The following MAP3K1 variants were observed in gnomAD, a reference collection of about 807,000 sequenced individuals.
MAP3K1 encodes the protein MAP/ERK kinase kinase 1.
Under a neutral mutation model 144.2 loss-of-function variants are expected in MAP3K1, and 36 were observed. The ratio of observed to expected loss-of-function variants is 0.25; its 90% CI spans 0.19 to 0.33. The LOEUF is 0.33. Among genes scored for constraint, MAP3K1 ranks in the 10% least tolerant of loss-of-function variants. The pLI is 1.00. For missense variants in MAP3K1, 1,650 were observed against 1,881.9 expected (o/e 0.88, Z 2.28); for synonymous variants, 718 against 688.7 (o/e 1.04, Z -0.67).
At chr5:56,827,685 G>A (rs1179367895) in intron 1 of MAP3K1, among the ~76,000 whole-genome samples, 5 of 152,138 alleles carry the variant, frequency 3.3e-5, no homozygotes, top group Non-Finnish European at 5.9e-5. Context: ...CCAACATGGT[G>A]AAACCCCGTC....
chr5:56,844,007 A>G (rs1746898424), intron 1 of MAP3K1, among the ~76,000 whole-genome samples: 1 of 152,070 alleles, frequency 6.6e-6, no homozygotes, highest in African/African-American at 2.4e-5. Context: ...ATGGCAAGTG[A>G]ATGTGAGGAA....
chr5:56,889,399 C>T (rs1748479797), intron 19 of MAP3K1, among the ~76,000 whole-genome samples: 1 of 152,174 alleles, frequency 6.6e-6, no homozygotes, highest in Non-Finnish European at 1.5e-5. Flanking sequence ...GAACTCCTGA[C>T]CTCAAGCCCA....
intron 1 of MAP3K1, among the ~76,000 whole-genome samples, chr5:56,834,506 G>A (rs1746588248): frequency 6.6e-6 from 1 of 152,152 alleles, no homozygotes; most frequent in South Asian, 2.1e-4. Flanking sequence ...GAGGTCAGGA[G>A]TTCGAGACCA....
intron 9 of MAP3K1, among the ~76,000 whole-genome samples, chr5:56,873,994 C>G (rs941985520): frequency 1.6e-4 from 24 of 152,138 alleles, no homozygotes; most frequent in African/African-American, 5.8e-4. Context: ...AGAGTTCATT[C>G]TTTCAAGCAT....
At chr5:56,820,676 A>G in intron 1 of MAP3K1, 1 of 985,396 alleles carries the variant, frequency 1.0e-6, no homozygotes, top group Non-Finnish European at 1.2e-6. Flanking sequence ...ATCACACAGG[A>G]AGAGAAACTT....
Position 56,881,963 on chromosome 5 carries a change from T to C in MAP3K1, c.2763T>C (p.Ser921=). The C allele has an allele frequency of 1.9e-6, 3 of 1,614,044 alleles. No individual in the cohort carries two copies. Among genetic ancestry groups the C allele is most frequent in the Non-Finnish European group, 2.5e-6 (3 of 1,180,026 alleles). ...AAGGATTATGTGCTACAAAATTGAGTGCCAGTTCAGAGGACATTTCTGAGA... is the reference window on the plus strand; with the variant it reads ...AAGGATTATGTGCTACAAAATTGAGCGCCAGTTCAGAGGACATTTCTGAGA... ...TGKGLCATKL[S]ASSEDISERL... The change falls in exon 14 of 20, where the codon AGT becomes AGC. Residue 921 remains serine, a synonymous_variant. Transcript: ENST00000399503.
intron 15 of MAP3K1, 114 bp from the exon 16 acceptor site, chr5:56,884,550 C>G (rs912019664): frequency 2.2e-6 from 2 of 923,062 alleles, no homozygotes; most frequent in Non-Finnish European, 3.5e-6. Flanking sequence ...ACATTGCATC[C>G]ATAAGCATAA....
At position 56,877,571 on chromosome 5, in the gene MAP3K1, G is replaced by A. The variant is rs1748079233; in HGVS notation, c.1966-1409G>A. 2.1e-5 allele frequency among the ~76,000 whole-genome samples: 3 copies of A among 143,968 alleles called. 1 individual carries two copies. In the South Asian group the frequency reaches 6.6e-4, roughly 32 times the overall value. The allele number at this position is 143,968 out of a possible 152,430, so 94.4% of individuals were successfully genotyped here. A position where few individuals can be genotyped will look rare whatever the true frequency, so the allele number is the denominator to read the frequency against. ...GTTTGAGAGTTTTTTGCAGCATCAT[G>A]ACACTTAAATATGTGTCTCTTAAAA... On this transcript the variant is annotated intron_variant, in intron 10 of 19. Transcript: ENST00000399503.
At chr5:56,820,103 C>T (rs1045119927) in intron 1 of MAP3K1, among the ~76,000 whole-genome samples, 1 of 152,114 alleles carries the variant, frequency 6.6e-6, no homozygotes, top group Non-Finnish European at 1.5e-5. Context: ...ATACCTTTTA[C>T]ATAATCAACT....
intron 1 of MAP3K1, among the ~76,000 whole-genome samples, chr5:56,846,458 C>G (rs1747000397): frequency 6.6e-6 from 1 of 152,180 alleles, no homozygotes; most frequent in Non-Finnish European, 1.5e-5. Context: ...ATAATTGTAC[C>G]TGACTCAAAT....
chr5:56,892,967 CTT>C (rs61590040), intron 19 of MAP3K1, among the ~76,000 whole-genome samples: 1 of 150,260 alleles, frequency 6.7e-6, no homozygotes, highest in African/African-American at 2.4e-5. Context: ...AATAAAATTT[CTT>C]TTTTTTTAAA....
intron 1 of MAP3K1, among the ~76,000 whole-genome samples, chr5:56,850,523 T>C (rs1006083857): frequency 3.3e-5 from 5 of 152,226 alleles, no homozygotes; most frequent in African/African-American, 1.2e-4. Flanking sequence ...TTGTAAAAAC[T>C]TACAAAACTT....
intron 10 of MAP3K1, among the ~76,000 whole-genome samples, chr5:56,877,927 AT>A (rs1307346041): frequency 6.6e-6 from 1 of 152,176 alleles, no homozygotes; most frequent in Non-Finnish European, 1.5e-5. Context: ...TTTGTAGAAT[AT>A]CCCTCAATTT....
rs867559011 is a variant in MAP3K1 at position 56,882,446 on chromosome 5, A to T, written c.3246A>T (p.Thr1082=). The T allele has an allele frequency of 6.2e-7, 1 of 1,614,134 alleles. No individual in the cohort carries two copies. Among genetic ancestry groups the T allele is most frequent in the African/African-American group, 1.3e-5 (1 of 75,042 alleles). ...GAGATCCCTCAAAAAATAGCATGAC[A>T]CTTGATCTGAACAGTAGTTCCAAAT... ...KQGDPSKNSM[T]LDLNSSSKCD... is the part of the protein sequence containing the mutation. Residue 1082 remains threonine, a synonymous_variant, in exon 14 of 20, where the codon ACA becomes ACT. Coordinates refer to ENST00000399503, the MANE Select transcript of MAP3K1 (RefSeq NM_005921.2).
At chr5:56,823,196 CGGT>C (rs1380031489) in intron 1 of MAP3K1, among the ~76,000 whole-genome samples, 1 of 152,188 alleles carries the variant, frequency 6.6e-6, no homozygotes, top group Non-Finnish European at 1.5e-5. Flanking sequence ...AGTCCCTGCC[CGGT>C]TGGGCCCCTG....
At chr5:56,829,270 C>A (rs1056632317) in intron 1 of MAP3K1, among the ~76,000 whole-genome samples, 4 of 151,700 alleles carry the variant, frequency 2.6e-5, no homozygotes, top group African/African-American at 9.7e-5. Flanking sequence ...CAGCGTCAAC[C>A]TTAGCGGGCT....
At chr5:56,844,164 T>C (rs949965727) in intron 1 of MAP3K1, among the ~76,000 whole-genome samples, 1 of 151,138 alleles carries the variant, frequency 6.6e-6, no homozygotes, top group Non-Finnish European at 1.5e-5. Context: ...TGTTTAGTAT[T>C]ATAGGATTGT....
intron 10 of MAP3K1, among the ~76,000 whole-genome samples, chr5:56,878,107 G>A (rs62358105): frequency 0.015 from 2,252 of 152,254 alleles, 18 homozygotes; most frequent in Middle Eastern, 0.037. Flanking sequence ...AAGTTTCCCT[G>A]CTGTAAAGTT....
Position 56,815,602 on chromosome 5 carries a change from C to T in MAP3K1, c.29C>T (p.Ser10Leu), listed in dbSNP as rs1311577375. ...GCGGCGGCGGCGGGGAATCGCGCCT[C>T]GTCGTCGGGATTCCCGGGCGCCAGG... Reference protein sequence around the residue: MAAAAGNRASSSGFPGARAT... With the variant: MAAAAGNRALSSGFPGARAT... The change falls in exon 1 of 20, where the codon TCG (serine) becomes TTG (leucine). Residue 10 changes from serine to leucine, a missense_variant. Ser to Leu is a moderately radical substitution (Grantham distance 145, BLOSUM62 -2). This residue lies in a region of MAP3K1 where 360 missense variants were observed against 274.7 expected (regional missense o/e 1.31). Transcript: ENST00000399503. 7 of 1,308,006 alleles carry T rather than the reference C, an allele frequency of 5.4e-6. No individual in the cohort carries two copies. In the South Asian group the frequency reaches 6.4e-5, roughly 12 times the overall value. 81.0% of individuals were successfully genotyped at this position (1,308,006 alleles called of 1,614,324 possible).
Sources: gnomAD v4.1 joint callset for allele counts (sites outside exome capture counted in the v4.1 genomes callset) on GRCh38, gnomAD v4.1.1 for gene constraint, gnomAD v4.1.1 regional missense constraint, MANE v1.5 for transcripts, NCBI Gene and HGNC (gene_info 2026-07-23, HGNC 2026-07-21) for gene names.